The following USP22 variants were observed in gnomAD, a reference collection of about 807,000 sequenced individuals.
The protein encoded by USP22 is ubiquitin carboxyl-terminal hydrolase 22.
In USP22, 22 loss-of-function variants were observed where a neutral mutation model predicts 68.1. That is an observed-to-expected ratio of 0.32 (90% CI 0.23 to 0.46). The LOEUF is 0.46. USP22 is among the 20% of genes least tolerant of loss of function. The probability of loss-of-function intolerance (pLI) is 1.00; values close to 1 mark genes in which losing one functional copy is unlikely to be tolerated. For synonymous variants in USP22, 279 were observed against 274.2 expected (o/e 1.02, Z -0.17); for missense variants, 433 against 695.8 (o/e 0.62, Z 4.25).
At chr17:21,034,076 A>T (rs1301929717) in intron 1 of USP22, among the ~76,000 whole-genome samples, 1 of 152,076 alleles carries the variant, frequency 6.6e-6, no homozygotes, top group Non-Finnish European at 1.5e-5. Flanking sequence ...ATATGAAAAA[A>T]AAAATACGGC....
chr17:21,020,353 A>G (rs1972141627), intron 3 of USP22, among the ~76,000 whole-genome samples: 1 of 152,164 alleles, frequency 6.6e-6, no homozygotes, highest in African/African-American at 2.4e-5. Context: ...TGTGTAGCCA[A>G]TAACCAGTGT....
chr17:21,040,518 T>C (rs1387620729), intron 1 of USP22, among the ~76,000 whole-genome samples: 2 of 152,006 alleles, frequency 1.3e-5, no homozygotes, highest in African/African-American at 2.4e-5. Flanking sequence ...TTCTAATTGG[T>C]GAATAACATA....
intron 2 of USP22, among the ~76,000 whole-genome samples, chr17:21,022,276 T>C (rs945564551): frequency 2.0e-5 from 3 of 151,656 alleles, no homozygotes; most frequent in African/African-American, 7.3e-5. Flanking sequence ...AACTTTCTAA[T>C]CGTGTGCATG....
chr17:21,018,978 G>T, intron 4 of USP22, 106 bp downstream of exon 4: 1 of 1,157,258 alleles, frequency 8.6e-7, no homozygotes. Context: ...TGACAGTTAT[G>T]CAGGGCTTCA....
At chr17:21,029,096 A>T (rs1972257951) in intron 1 of USP22, among the ~76,000 whole-genome samples, 1 of 152,198 alleles carries the variant, frequency 6.6e-6, no homozygotes, top group Non-Finnish European at 1.5e-5. Flanking sequence ...GCCAACAAGA[A>T]AAAGGGAGGG....
chr17:21,019,013 C>T (rs1597694275), intron 4 of USP22, 71 bp downstream of exon 4: 2 of 1,500,922 alleles, frequency 1.3e-6, no homozygotes, highest in East Asian at 2.3e-5. Flanking sequence ...ACTTAAGAAA[C>T]CCACAATTCT....
chr17:21,031,203 A>C (rs1224442236), intron 1 of USP22, among the ~76,000 whole-genome samples: 1 of 152,254 alleles, frequency 6.6e-6, no homozygotes, highest in African/African-American at 2.4e-5. Flanking sequence ...GTTTATACGC[A>C]ACCAAAGACA....
chr17:21,009,302 G>A (rs1913874339), intron 8 of USP22, among the ~76,000 whole-genome samples: 1 of 152,114 alleles, frequency 6.6e-6, no homozygotes, highest in Non-Finnish European at 1.5e-5. Context: ...CTTTTCACAA[G>A]CAGGTATGGA....
In USP22 at chr17:21,001,977, G is replaced by C. The variant is rs1217802969; in HGVS notation, c.*1054C>G. ...CAGAGGCAGACGAGACAAGATGCAG[G>C]CTCCACCAGAGGCCACTCCAGCTTC... On this transcript the variant is annotated 3_prime_UTR_variant, in exon 13 of 13. Transcript: ENST00000261497. 4 of 152,254 alleles carry C rather than the reference G, an allele frequency of 2.6e-5. No individual in the cohort carries two copies. Among genetic ancestry groups the C allele is most frequent in the Admixed American group, 6.5e-5 (1 of 15,288 alleles). 9.4% of individuals were successfully genotyped at this position (152,254 alleles called of 1,614,324 possible).
At chr17:21,037,512 T>C (rs1597702542) in intron 1 of USP22, among the ~76,000 whole-genome samples, 1 of 152,146 alleles carries the variant, frequency 6.6e-6, no homozygotes, top group African/African-American at 2.4e-5. Flanking sequence ...CCAAAACTCA[T>C]AACCACAGCT....
chr17:21,033,835 G>A (rs746067651), intron 1 of USP22, among the ~76,000 whole-genome samples: 42 of 150,770 alleles, frequency 2.8e-4, no homozygotes, highest in Admixed American at 7.3e-4. Context: ...TGCAACCTCC[G>A]CCTCCCGGGT....
In USP22 at chr17:21,026,101, T is replaced by C. The variant is rs9911267; in HGVS notation, c.304+2441A>G. On this transcript the variant is annotated intron_variant, in intron 2 of 12. Coordinates refer to ENST00000261497, the MANE Select transcript of USP22 (RefSeq NM_015276.2). ...TGGTGAAACCCCATCTCTACAAAAATACAAAAATTAGCTGGGCATGTTGGT... is the reference window on the plus strand; with the variant it reads ...TGGTGAAACCCCATCTCTACAAAAACACAAAAATTAGCTGGGCATGTTGGT... Among the ~76,000 whole-genome samples, 358 of 152,132 alleles carry C rather than the reference T, an allele frequency of 2.4e-3. 3 individuals are homozygous for C. Among genetic ancestry groups the C allele is most frequent in the African/African-American group, 8.4e-3 (348 of 41,478 alleles).
At chr17:21,006,333 C>T (rs987832335) in intron 10 of USP22, among the ~76,000 whole-genome samples, 2 of 152,166 alleles carry the variant, frequency 1.3e-5, no homozygotes, top group African/African-American at 4.8e-5. Context: ...GTTGCCTTCT[C>T]GCTGTGATCC....
In USP22 at chr17:21,002,234, A is replaced by G. The variant is rs563305236; in HGVS notation, c.*797T>C. The G allele has an allele frequency of 6.6e-6, 1 of 152,260 alleles. No individual in the cohort carries two copies. Among genetic ancestry groups the G allele is most frequent in the Non-Finnish European group, 1.5e-5 (1 of 68,028 alleles). The allele number at this position is 152,260 out of a possible 1,614,324, so 9.4% of individuals were successfully genotyped here. On this transcript the variant is annotated 3_prime_UTR_variant, in exon 13 of 13. Transcript: ENST00000261497. ...AGCCAGGCACACAGGGCGGGCAGCA[A>G]CATAAACGGCACCCATTAAAAAGCA...
At chr17:21,004,434 C>T in intron 11 of USP22, 83 bp from the exon 12 acceptor site, 1 of 1,560,784 alleles carries the variant, frequency 6.4e-7, no homozygotes, top group Non-Finnish European at 8.8e-7. Context: ...ACCAGGCAGC[C>T]CAGGCAGGGA....
rs1266176413 is a variant in USP22, at chr17:21,003,080, A to G, written c.1536-7T>C. 6 of 1,613,754 alleles carry G rather than the reference A, an allele frequency of 3.7e-6. No homozygotes were observed. The Admixed American group carries it at 5.0e-5, about 13-fold the overall frequency. ...GTGATAGAACAGCAAGTACCTGTGG[A>G]GGCAGAGAGAGGGAGGAGGCTCACC... On this transcript the variant is annotated splice_region_variant and splice_polypyrimidine_tract_variant and intron_variant, in intron 12 of 12. Transcript: ENST00000261497.
intron 2 of USP22, among the ~76,000 whole-genome samples, chr17:21,024,828 C>T (rs1044732875): frequency 1.3e-5 from 2 of 152,038 alleles, no homozygotes; most frequent in African/African-American, 4.8e-5. Flanking sequence ...ATCAGCCAAG[C>T]GTGGTGGCGC....
intron 2 of USP22, among the ~76,000 whole-genome samples, chr17:21,025,201 A>G (rs1972205040): frequency 6.6e-6 from 1 of 152,160 alleles, no homozygotes; most frequent in Non-Finnish European, 1.5e-5. Flanking sequence ...AAACAACCCA[A>G]TTTAAAAAAA....
chr17:21,028,483 A>G (rs1414760416), intron 2 of USP22, 59 bp downstream of exon 2: 1 of 1,593,950 alleles, frequency 6.3e-7, no homozygotes, highest in Admixed American at 1.7e-5. Flanking sequence ...AAATCAAAAA[A>G]TCAAAGAGTA....
Sources: gnomAD v4.1 joint callset for allele counts (sites outside exome capture counted in the v4.1 genomes callset) on GRCh38, gnomAD v4.1.1 for gene constraint, MANE v1.5 for transcripts, NCBI Gene and HGNC (gene_info 2026-07-23, HGNC 2026-07-21) for gene names.